Variants in KANSL1 observed in about 807,000 individuals in gnomAD.
KANSL1 encodes MLL1/MLL complex subunit KANSL1.
Under a neutral mutation model 103.6 loss-of-function variants are expected in KANSL1, and 22 were observed. The observed-to-expected ratio is 0.21, with a 90% CI of 0.15 to 0.30. The LOEUF is 0.30. Among genes scored for constraint, KANSL1 ranks in the 10% least tolerant of loss-of-function variants. KANSL1 has a pLI of 1.00. For missense variants in KANSL1, 1,337 were observed against 1,399.8 expected (o/e 0.96, Z 0.72); for synonymous variants, 600 against 527.6 (o/e 1.14, Z -1.88).
intron 1 of KANSL1, among the ~76,000 whole-genome samples, chr17:46,208,704 G>A (rs970993610): frequency 2.6e-5 from 4 of 151,726 alleles, no homozygotes; most frequent in Non-Finnish European, 4.4e-5. Context: ...TTCAGGCCAG[G>A]TGGCTTCCCT....
At chr17:46,150,065 C>CA (rs61494872) in intron 2 of KANSL1, among the ~76,000 whole-genome samples, 21,836 of 107,344 alleles carry the variant, frequency 0.2, 1,212 homozygotes, top group Non-Finnish European at 0.29. Flanking sequence ...CTTTCCTTAC[C>CA]AAAAAAAAAA....
At chr17:46,079,439 T>C (rs1017655911) in intron 4 of KANSL1, among the ~76,000 whole-genome samples, 3 of 152,200 alleles carry the variant, frequency 2.0e-5, no homozygotes, top group African/African-American at 7.2e-5. Context: ...CTATAATTGA[T>C]TAGGGCCCAG....
rs1345292331 is a variant in KANSL1 at position 46,050,740 on chromosome 17, A to T, written c.1849-36T>A. On this transcript the variant is annotated intron_variant, in intron 6 of 14. Transcript: ENST00000432791. Reference sequence around the variant, plus strand: ...AGCCAAACAAAACTGACAATTCAGCATCTGATAAAAAGCCAGCTACCCATT... The same window carrying T: ...AGCCAAACAAAACTGACAATTCAGCTTCTGATAAAAAGCCAGCTACCCATT... 8 of 1,586,472 alleles carry T rather than the reference A, an allele frequency of 5.0e-6. No homozygotes were observed. In the South Asian group the frequency reaches 5.6e-5, roughly 11 times the overall value.
At chr17:46,063,156 A>G (rs2078243196) in intron 6 of KANSL1, among the ~76,000 whole-genome samples, 1 of 152,246 alleles carries the variant, frequency 6.6e-6, no homozygotes, top group African/African-American at 2.4e-5. Context: ...AGGAAAAAAT[A>G]TTAATCACTT....
intron 2 of KANSL1, among the ~76,000 whole-genome samples, chr17:46,121,515 T>G (rs984984658): frequency 6.6e-6 from 1 of 152,194 alleles, no homozygotes; most frequent in Admixed American, 6.5e-5. Context: ...CTGACACAAA[T>G]ATCACTTTCA....
intron 1 of KANSL1, among the ~76,000 whole-genome samples, chr17:46,188,671 C>T (rs1209187863): frequency 6.6e-6 from 1 of 152,142 alleles, no homozygotes; most frequent in African/African-American, 2.4e-5. Flanking sequence ...CTAATCAAAT[C>T]ACTCAAGGCA....
intron 2 of KANSL1, among the ~76,000 whole-genome samples, chr17:46,095,205 C>G (rs1369796183): frequency 6.6e-6 from 1 of 152,150 alleles, no homozygotes; most frequent in Non-Finnish European, 1.5e-5. Context: ...CGCCTGAAAG[C>G]ATGAAGATCT....
intron 2 of KANSL1, among the ~76,000 whole-genome samples, chr17:46,159,889 A>T (rs897153308): frequency 2.0e-5 from 3 of 152,234 alleles, no homozygotes; most frequent in Non-Finnish European, 2.9e-5. Flanking sequence ...ACTTCCCACC[A>T]TCCCTCCTGG....
At chr17:46,212,246 G>C (rs1231287915) in intron 1 of KANSL1, among the ~76,000 whole-genome samples, 13 of 149,364 alleles carry the variant, frequency 8.7e-5, no homozygotes, top group African/African-American at 3.0e-4. Flanking sequence ...TTTTTAGACA[G>C]AGACTTGCTC....
chr17:46,126,600 T>A (rs537906897), intron 2 of KANSL1, among the ~76,000 whole-genome samples: 8 of 152,072 alleles, frequency 5.3e-5, no homozygotes, highest in Non-Finnish European at 7.4e-5. Flanking sequence ...AAACATGAAA[T>A]TTTTTTTTCT....
intron 1 of KANSL1, among the ~76,000 whole-genome samples, chr17:46,180,423 G>A (rs747763886): frequency 1.3e-5 from 2 of 151,606 alleles, no homozygotes; most frequent in Non-Finnish European, 2.9e-5. Flanking sequence ...GCTGAAACCT[G>A]AGCGGCAGAG....
At chr17:46,196,723 ATGAT>A (rs773485393), upstream of KANSL1, 36 of 262,686 alleles carry the variant, frequency 1.4e-4, no homozygotes, top group Non-Finnish European at 2.1e-4. Context: ...TCAAAAAACA[ATGAT>A]TGAGTTCTAA....
At chr17:46,084,031 A>C (rs988348594) in intron 3 of KANSL1, among the ~76,000 whole-genome samples, 1 of 152,186 alleles carries the variant, frequency 6.6e-6, no homozygotes, top group East Asian at 1.9e-4. Context: ...CTTGAAGCAA[A>C]AGAAGCACTG....
chr17:46,214,819 T>C (rs1427778716), intron 1 of KANSL1, among the ~76,000 whole-genome samples: 1 of 152,236 alleles, frequency 6.6e-6, no homozygotes, highest in Non-Finnish European at 1.5e-5. Flanking sequence ...GCACACACAC[T>C]AACAGTTTCA....
chr17:46,034,371 A>G (rs2077091364), intron 10 of KANSL1, 86 bp from the exon 11 acceptor site: 1 of 1,474,480 alleles, frequency 6.8e-7, no homozygotes. Flanking sequence ...AGGATCACCA[A>G]TAACCAAGCA....
At chr17:46,046,187 G>A (rs1295089527) in intron 7 of KANSL1, 2 of 152,158 alleles carry the variant, frequency 1.3e-5, no homozygotes, top group African/African-American at 4.8e-5. Context: ...TTTTAGATAA[G>A]CCACAACCTT....
At chr17:46,216,616 A>AAAAT (rs778351416) in intron 1 of KANSL1, among the ~76,000 whole-genome samples, 65 of 147,850 alleles carry the variant, frequency 4.4e-4, no homozygotes, top group Non-Finnish European at 8.3e-4. Flanking sequence ...AAAAAAAAAA[A>AAAAT]GTTTCAAAGA....
At chr17:46,033,559 G>C (rs894208196) in intron 11 of KANSL1, 99 bp from the exon 12 acceptor site, 1 of 941,602 alleles carries the variant, frequency 1.1e-6, no homozygotes, top group Non-Finnish European at 1.7e-6. Flanking sequence ...TGCACCTGTG[G>C]GTGACACTGC....
intron 2 of KANSL1, among the ~76,000 whole-genome samples, chr17:46,123,492 T>C (rs1230247799): frequency 6.6e-6 from 1 of 152,210 alleles, no homozygotes; most frequent in East Asian, 1.9e-4. Flanking sequence ...GTTAGCAAAC[T>C]TGTAAATGCA....
Sources: gnomAD v4.1 joint callset for allele counts (sites outside exome capture counted in the v4.1 genomes callset) on GRCh38, gnomAD v4.1.1 for gene constraint, MANE v1.5 for transcripts, NCBI Gene and HGNC (gene_info 2026-07-23, HGNC 2026-07-21) for gene names.